Variants in L3MBTL3 observed in about 807,000 individuals in gnomAD.
The protein encoded by L3MBTL3 is L3MBTL histone methyl-lysine binding protein 3.
L3MBTL3 carries 27 observed loss-of-function variants against 102.3 expected under a neutral mutation model. The ratio of observed to expected loss-of-function variants is 0.26; its 90% CI spans 0.19 to 0.36. The LOEUF is 0.36. L3MBTL3 is among the 10% of genes least tolerant of loss of function. The pLI, the probability that L3MBTL3 is intolerant of heterozygous loss-of-function variation, is 1.00. For missense variants in L3MBTL3, 798 were observed against 955.3 expected, an observed-to-expected ratio of 0.84 and a Z score of 2.17; for synonymous variants, 340 against 320.9, an observed-to-expected ratio of 1.06 and a Z score of -0.64.
chr6:130,096,099 GATATAAGA>G (rs1182967475), intron 18 of L3MBTL3, among the ~76,000 whole-genome samples: 1 of 152,166 alleles, frequency 6.6e-6, no homozygotes, highest in Non-Finnish European at 1.5e-5. Context: ...ACAGCCCTAT[GATATAAGA>G]ACTGTTTTTT....
chr6:130,021,546 A>G (rs1779017389), intron 1 of L3MBTL3, among the ~76,000 whole-genome samples: 2 of 152,370 alleles, frequency 1.3e-5, no homozygotes, highest in South Asian at 4.1e-4. Flanking sequence ...ACCTCTGATC[A>G]ATTTTTAATT....
At chr6:130,074,152 G>C (rs1472418520) in intron 13 of L3MBTL3, among the ~76,000 whole-genome samples, 1 of 152,044 alleles carries the variant, frequency 6.6e-6, no homozygotes, top group South Asian at 2.1e-4. Context: ...GATATTTTTT[G>C]CTTTGATTTG....
chr6:130,031,720 C>T (rs1779734244), intron 2 of L3MBTL3, among the ~76,000 whole-genome samples: 2 of 152,122 alleles, frequency 1.3e-5, no homozygotes, highest in African/African-American at 4.8e-5. Flanking sequence ...GCTTCAGGTC[C>T]AGTACCTTCC....
At chr6:130,038,043 T>G (rs563466990) in intron 2 of L3MBTL3, among the ~76,000 whole-genome samples, 26 of 152,244 alleles carry the variant, frequency 1.7e-4, no homozygotes, top group African/African-American at 5.3e-4. Flanking sequence ...TTTCTGAGCC[T>G]ACCTTCTTTT....
chr6:130,055,114 A>G (rs889271858), intron 7 of L3MBTL3, 57 bp from the exon 8 acceptor site: 6 of 1,281,454 alleles, frequency 4.7e-6, no homozygotes, highest in East Asian at 2.3e-5. Context: ...CTCTCTAACT[A>G]TTCACTGGTG....
intron 18 of L3MBTL3, among the ~76,000 whole-genome samples, chr6:130,100,289 A>G (rs1784604543): frequency 6.6e-6 from 1 of 152,154 alleles, no homozygotes; most frequent in South Asian, 2.1e-4. Context: ...TATTGAGTGG[A>G]GGATGAAGCA....
At chr6:130,135,751 T>G (rs886559390) in intron 22 of L3MBTL3, among the ~76,000 whole-genome samples, 4 of 152,216 alleles carry the variant, frequency 2.6e-5, no homozygotes, top group Non-Finnish European at 5.9e-5. Context: ...ATTTACTCCT[T>G]CATTCATTCA....
intron 20 of L3MBTL3, among the ~76,000 whole-genome samples, chr6:130,132,956 A>G (rs1787222791): frequency 6.6e-6 from 1 of 151,510 alleles, no homozygotes; most frequent in South Asian, 2.1e-4. Context: ...TTAAAAAATC[A>G]GTATGATTAG....
chr6:130,041,048 G>T (rs973039693), intron 2 of L3MBTL3, among the ~76,000 whole-genome samples: 2 of 152,218 alleles, frequency 1.3e-5, no homozygotes, highest in Non-Finnish European at 2.9e-5. Flanking sequence ...GGCAAAGAAT[G>T]TGTGAGTATT....
intron 2 of L3MBTL3, among the ~76,000 whole-genome samples, chr6:130,027,827 A>G (rs1584273173): frequency 1.3e-5 from 2 of 152,282 alleles, no homozygotes; most frequent in East Asian, 1.9e-4. Flanking sequence ...ATGCATAGAA[A>G]TATCTGTGTC....
At chr6:130,049,447 G>T in intron 4 of L3MBTL3, 54 bp downstream of exon 4, 1 of 1,191,384 alleles carries the variant, frequency 8.4e-7, no homozygotes, top group South Asian at 1.4e-5. Flanking sequence ...TTTGAAATAA[G>T]AATATCTAAA....
intron 12 of L3MBTL3, 79 bp from the exon 13 acceptor site, chr6:130,070,897 C>G (rs1226720652): frequency 1.0e-6 from 1 of 978,028 alleles, no homozygotes; most frequent in Admixed American, 2.7e-5. Context: ...GGCCTTTGAG[C>G]AGGAGGTGCA....
chr6:130,096,122 C>T (rs138049687), intron 18 of L3MBTL3, among the ~76,000 whole-genome samples: 2 of 152,100 alleles, frequency 1.3e-5, no homozygotes, highest in Admixed American at 1.3e-4. Context: ...TTTTTTTCCC[C>T]ACGTTTTGGT....
intron 1 of L3MBTL3, among the ~76,000 whole-genome samples, chr6:130,018,994 AGAG>A (rs1233390155): frequency 6.6e-6 from 1 of 151,802 alleles, no homozygotes; most frequent in Non-Finnish European, 1.5e-5. Flanking sequence ...GAGAGAGAAA[AGAG>A]AAAGGAAAAA....
chr6:130,130,659 A>C (rs563496594), intron 20 of L3MBTL3, among the ~76,000 whole-genome samples: 1 of 152,352 alleles, frequency 6.6e-6, no homozygotes, highest in Non-Finnish European at 1.5e-5. Context: ...TTCATAATAG[A>C]TATTCAATAA....
chr6:130,124,638 C>G (rs1786471453), intron 20 of L3MBTL3, among the ~76,000 whole-genome samples: 1 of 152,104 alleles, frequency 6.6e-6, no homozygotes, highest in Admixed American at 6.5e-5. Context: ...AAGGTAATAC[C>G]TATTCTTCTT....
intron 18 of L3MBTL3, among the ~76,000 whole-genome samples, chr6:130,101,236 A>G (rs1160267647): frequency 3.3e-5 from 5 of 152,106 alleles, no homozygotes; most frequent in Non-Finnish European, 7.4e-5. Flanking sequence ...CAGTAGGAGG[A>G]ACTAGTTGTG....
In L3MBTL3 at chr6:130,139,827, TA is replaced by T; in HGVS notation, c.*76del. The stretch of plus-strand genomic sequence containing the variant: ...TTTATTCAAAGCACAAGGACGGTTA[TA>T]ACTCCTAAGTGAGAAGTCTCCAAAA... On this transcript the variant is annotated 3_prime_UTR_variant, in exon 23 of 23. Transcript: ENST00000361794. 1 of 1,429,588 alleles carries T rather than the reference TA, an allele frequency of 7.0e-7. No individual in the cohort carries two copies. 88.6% of individuals were successfully genotyped at this position (1,429,588 alleles called of 1,614,324 possible).
chr6:130,117,950 A>G (rs1482857543), intron 19 of L3MBTL3, among the ~76,000 whole-genome samples: 3 of 141,352 alleles, frequency 2.1e-5, no homozygotes, highest in Admixed American at 7.7e-5. Context: ...GACTCAAGCA[A>G]TCCTCCCGCC....
Sources: gnomAD v4.1 joint callset for allele counts (sites outside exome capture counted in the v4.1 genomes callset) on GRCh38, gnomAD v4.1.1 for gene constraint, MANE v1.5 for transcripts, NCBI Gene and HGNC (gene_info 2026-07-23, HGNC 2026-07-21) for gene names.